Variants in PIK3C2G observed in about 807,000 individuals in gnomAD.
The protein encoded by PIK3C2G is phosphatidylinositol 3-kinase C2 domain-containing subunit gamma.
In PIK3C2G, 168 loss-of-function variants were observed where a neutral mutation model predicts 181.1. The ratio of observed to expected loss-of-function variants is 0.93; its 90% CI spans 0.82 to 1.05. The LOEUF (loss-of-function observed/expected upper bound fraction) is 1.05, where lower values mean the gene tolerates loss of function less well. Among genes scored for constraint, PIK3C2G ranks in the 50% least tolerant of loss-of-function variants. PIK3C2G has a pLI of 0.00. For synonymous variants in PIK3C2G, 573 were observed against 592.2 expected, an observed-to-expected ratio of 0.97 and a Z score of 0.47; for missense variants, 1,869 against 1,732.8, an observed-to-expected ratio of 1.08 and a Z score of -1.40.
rs897865815 is a variant in PIK3C2G, at chr12:18,353,688, C to A, written c.1625+6852C>A. On this transcript the variant is annotated intron_variant, in intron 11 of 32. Coordinates refer to ENST00000538779, the MANE Select transcript of PIK3C2G (RefSeq NM_001288772.2). ...TCTAAAGTAGTATCTGTTCCCAGGG[C>A]CTGTTTCTGCAGCTTCCTCCTTATA... Among the ~76,000 whole-genome samples, 16 of 152,216 alleles carry A rather than the reference C, an allele frequency of 1.1e-4. No homozygotes were observed. In the East Asian group the frequency reaches 2.7e-3, roughly 26 times the overall value.
Position 18,562,880 on chromosome 12 carries a change from G to C in PIK3C2G, c.3768G>C (p.Lys1256Asn). The change falls in exon 27 of 33, where the codon AAG (lysine) becomes AAC (asparagine). Residue 1256 changes from lysine to asparagine, a missense_variant. Transcript: ENST00000538779. ...IERATILGFS[K>N]KSSNLYLIQV... is the part of the protein sequence containing the mutation. ...GAGCAACAATTTTAGGGTTCAGCAA[G>C]AAATCCAGTAATGTAAGTTTAAAGT... 1 of 1,595,464 alleles carries C rather than the reference G, an allele frequency of 6.3e-7. No homozygotes were observed. Among genetic ancestry groups the C allele is most frequent in the East Asian group, 2.2e-5 (1 of 44,544 alleles).
chr12:18,634,492 A>G (rs2955413), intron 31 of PIK3C2G, among the ~76,000 whole-genome samples: 81,507 of 152,060 alleles, frequency 0.54, 23,383 homozygotes, highest in Admixed American at 0.64. Flanking sequence ...TTATTCCAGT[A>G]AGAAGAAACA....
intron 18 of PIK3C2G, among the ~76,000 whole-genome samples, chr12:18,455,284 G>A (rs1370048814): frequency 6.6e-6 from 1 of 152,064 alleles, no homozygotes; most frequent in East Asian, 1.9e-4. Context: ...ACACCAGTAG[G>A]TGGGATCATT....
At chr12:18,317,836 C>G (rs1416398920) in intron 6 of PIK3C2G, among the ~76,000 whole-genome samples, 1 of 152,140 alleles carries the variant, frequency 6.6e-6, no homozygotes, top group Non-Finnish European at 1.5e-5. Context: ...TTAATTTCTT[C>G]ATCAAAAAAT....
intron 26 of PIK3C2G, among the ~76,000 whole-genome samples, chr12:18,553,650 A>C (rs918837532): frequency 9.9e-5 from 15 of 152,122 alleles, no homozygotes; most frequent in Non-Finnish European, 2.1e-4. Flanking sequence ...TCTAAACTGT[A>C]AAGCAGGAAA....
chr12:18,286,669 A>G (rs1033263980), intron 2 of PIK3C2G, among the ~76,000 whole-genome samples, 178 bp from the exon 3 acceptor site: 19 of 152,108 alleles, frequency 1.2e-4, no homozygotes, highest in Admixed American at 5.2e-4. Context: ...ACAGAACTCA[A>G]ATTATATACT....
intron 24 of PIK3C2G, among the ~76,000 whole-genome samples, chr12:18,513,039 C>T (rs1030342274): frequency 2.6e-5 from 4 of 151,690 alleles, no homozygotes; most frequent in Admixed American, 2.6e-4. Flanking sequence ...TTTTCTGCAT[C>T]CAGTGAGATG....
chr12:18,281,270 A>T (rs1949205899), intron 1 of PIK3C2G, among the ~76,000 whole-genome samples: 1 of 47,306 alleles, frequency 2.1e-5, no homozygotes, highest in South Asian at 7.5e-4. Context: ...ATAATAGGCA[A>T]AAAAAAAAAA....
chr12:18,650,704 G>GTATA (rs1361372584), downstream of PIK3C2G, among the ~76,000 whole-genome samples: 7 of 57,790 alleles, frequency 1.2e-4, no homozygotes, highest in Non-Finnish European at 1.6e-4. Flanking sequence ...GTGTGTGTGT[G>GTATA]TATATATCTA....
In PIK3C2G at chr12:18,566,939, C is replaced by T. The variant is rs1305299487; in HGVS notation, c.3903-10C>T. 3.4e-6 allele frequency: 5 copies of T among 1,471,982 alleles called. No individual in the cohort carries two copies. The highest frequency in any genetic ancestry group is 2.8e-5 in the African/African-American group (2 of 71,578). 91.2% of individuals were successfully genotyped at this position (1,471,982 alleles called of 1,614,324 possible). A position where few individuals can be genotyped will look rare whatever the true frequency, so the allele number is the denominator to read the frequency against. On this transcript the variant is annotated splice_polypyrimidine_tract_variant and intron_variant, in intron 28 of 32. Transcript: ENST00000538779. The stretch of plus-strand genomic sequence containing the variant: ...ACTAATGAAGATAACTTTTTTTTCT[C>T]TTAAAACAGGTTTCCTCATTGGTGG...
intron 18 of PIK3C2G, among the ~76,000 whole-genome samples, chr12:18,428,759 C>T (rs75819749): frequency 7.6e-4 from 116 of 152,266 alleles, no homozygotes; most frequent in African/African-American, 2.6e-3. Context: ...TTTTCCAAGG[C>T]AAGTGAGTTA....
intron 31 of PIK3C2G, among the ~76,000 whole-genome samples, chr12:18,634,307 G>A (rs1949493837): frequency 6.6e-6 from 1 of 152,172 alleles, no homozygotes; most frequent in African/African-American, 2.4e-5. Flanking sequence ...ATAAGTTGTT[G>A]CAGCTGGCTT....
chr12:18,391,108 T>A lies in PIK3C2G; in HGVS notation c.1996-14T>A. ...ACACCTTCAACACATGGCAAATCAT[T>A]TTTTTTCTTTCAGATTGATTTTCCA... On this transcript the variant is annotated splice_polypyrimidine_tract_variant and intron_variant, in intron 14 of 32. Transcript: ENST00000538779. The A allele has an allele frequency of 6.3e-7, 1 of 1,590,324 alleles. No homozygotes were observed. Among genetic ancestry groups the A allele is most frequent in the East Asian group, 2.3e-5 (1 of 44,280 alleles).
intron 18 of PIK3C2G, among the ~76,000 whole-genome samples, chr12:18,452,002 C>T (rs535491715): frequency 1.5e-4 from 23 of 152,242 alleles, no homozygotes; most frequent in South Asian, 6.2e-4. Flanking sequence ...TTCACATTGA[C>T]GTTCATCAGG....
rs373226538 is a variant in PIK3C2G, at chr12:18,282,296, A to T, written c.215A>T (p.Asp72Val). 96 of 1,613,126 alleles carry T rather than the reference A, an allele frequency of 6.0e-5. No individual in the cohort carries two copies. Among genetic ancestry groups the T allele is most frequent in the Admixed American group, 1.8e-4 (11 of 59,972 alleles). ...TFFVPTAPKW[D>V]STGHSLNEAH... ...TTTGTGCCCACTGCACCAAAATGGGACTCAACAGGGCATTCATTAAATGAA... is the reference window on the plus strand; with the variant it reads ...TTTGTGCCCACTGCACCAAAATGGGTCTCAACAGGGCATTCATTAAATGAA... Residue 72 changes from aspartate (D) to valine (V), a missense_variant, in exon 2 of 33, where the codon GAC becomes GTC. By Grantham distance (152) the Asp-to-Val change is radical (BLOSUM62 -3). Coordinates refer to ENST00000538779, the MANE Select transcript of PIK3C2G (RefSeq NM_001288772.2).
At chr12:18,708,808 CT>C in the PIK3C2G span, among the ~76,000 whole-genome samples, 1 of 152,026 alleles carries the variant, frequency 6.6e-6, no homozygotes, top group Non-Finnish European at 1.5e-5. Flanking sequence ...ATTTTTATGT[CT>C]TCTTTGGAGA....
chr12:18,666,170 A>G, the PIK3C2G span, among the ~76,000 whole-genome samples: 1 of 152,006 alleles, frequency 6.6e-6, no homozygotes. Flanking sequence ...GAAAAAAATT[A>G]TAGAGAAATT....
intron 30 of PIK3C2G, among the ~76,000 whole-genome samples, chr12:18,609,265 G>A (rs1405397556): frequency 2.0e-5 from 3 of 152,034 alleles, no homozygotes; most frequent in Non-Finnish European, 4.4e-5. Flanking sequence ...AAATGGCACT[G>A]AGGTTTTAAG....
chr12:18,490,629 A>G (rs1940472265), intron 19 of PIK3C2G, among the ~76,000 whole-genome samples: 1 of 152,100 alleles, frequency 6.6e-6, no homozygotes, highest in Admixed American at 6.6e-5. Flanking sequence ...AGAACATGTG[A>G]TATTTGTCTT....
Sources: allele counts gnomAD v4.1 joint callset (sites outside exome capture counted in the v4.1 genomes callset), GRCh38; gene constraint gnomAD v4.1.1; transcripts MANE v1.5; gene names NCBI Gene and HGNC (gene_info 2026-07-23, HGNC 2026-07-21).